The following CA10 variants were observed in gnomAD, a reference collection of about 807,000 sequenced individuals.
The protein encoded by CA10 is carbonic anhydrase 10 (inactive).
A neutral mutation model predicts 44.2 loss-of-function variants in CA10; 14 were observed. The observed-to-expected ratio is 0.32, with a 90% CI of 0.21 to 0.50. The LOEUF is 0.50. Among genes scored for constraint, CA10 ranks in the 20% least tolerant of loss-of-function variants. The pLI, the probability that CA10 is intolerant of heterozygous loss-of-function variation, is 0.99. For missense variants in CA10, 350 were observed against 409.7 expected (o/e 0.85, Z 1.26); for synonymous variants, 159 against 141.6 (o/e 1.12, Z -0.87).
At chr17:52,151,290 C>G (rs977339534) in intron 1 of CA10, among the ~76,000 whole-genome samples, 2 of 152,054 alleles carry the variant, frequency 1.3e-5, no homozygotes, top group Non-Finnish European at 1.5e-5. Context: ...ATCCACCATA[C>G]TTTGATATTT....
chr17:51,814,683 T>G (rs1907498542), intron 3 of CA10, among the ~76,000 whole-genome samples: 1 of 152,202 alleles, frequency 6.6e-6, no homozygotes, highest in Non-Finnish European at 1.5e-5. Flanking sequence ...AGCAATTTGA[T>G]CAAGGTCATG....
intron 2 of CA10, among the ~76,000 whole-genome samples, chr17:51,990,235 C>G (rs962938317): frequency 3.3e-5 from 5 of 152,088 alleles, no homozygotes; most frequent in Non-Finnish European, 4.4e-5. Context: ...CCTTCCAGGT[C>G]CAATTGCCCC....
At chr17:51,993,453 C>T (rs1985115707) in intron 2 of CA10, among the ~76,000 whole-genome samples, 1 of 152,054 alleles carries the variant, frequency 6.6e-6, no homozygotes, top group Non-Finnish European at 1.5e-5. Context: ...ACCAACTATC[C>T]TTCAGCTCTG....
At chr17:52,064,034 G>C (rs1213846746) in intron 2 of CA10, among the ~76,000 whole-genome samples, 1 of 152,190 alleles carries the variant, frequency 6.6e-6, no homozygotes, top group Non-Finnish European at 1.5e-5. Context: ...TACTGAATAG[G>C]CTTGACCTTT....
At chr17:51,820,210 C>G (rs143645085) in intron 3 of CA10, among the ~76,000 whole-genome samples, 480 of 136,296 alleles carry the variant, frequency 3.5e-3, no homozygotes, top group African/African-American at 0.011. Flanking sequence ...GGTAATACCC[C>G]CTTCAACTGT....
At chr17:51,762,457 G>A (rs1437733198) in intron 3 of CA10, 1 of 152,146 alleles carries the variant, frequency 6.6e-6, no homozygotes, top group Non-Finnish European at 1.5e-5. Flanking sequence ...CCTAGAATAG[G>A]GAATAAAATC....
intron 2 of CA10, among the ~76,000 whole-genome samples, chr17:52,025,088 T>C (rs1986258951): frequency 6.6e-6 from 1 of 151,864 alleles, no homozygotes. Context: ...CAACCCCTGG[T>C]CCATGGAAAA....
chr17:52,106,472 T>G (rs1390740873), intron 1 of CA10, among the ~76,000 whole-genome samples: 1 of 152,220 alleles, frequency 6.6e-6, no homozygotes, highest in Non-Finnish European at 1.5e-5. Flanking sequence ...TCTTTCACTC[T>G]GGAAGAGTAT....
intron 3 of CA10, among the ~76,000 whole-genome samples, chr17:51,854,191 A>G (rs9896969): frequency 0.77 from 117,420 of 152,048 alleles, 46,390 homozygotes; most frequent in African/African-American, 0.93. Flanking sequence ...TCCTCACGAG[A>G]TTACTCTGGC....
At chr17:51,922,737 A>G (rs1020761616) in intron 3 of CA10, among the ~76,000 whole-genome samples, 2 of 152,186 alleles carry the variant, frequency 1.3e-5, no homozygotes, top group Admixed American at 1.3e-4. Context: ...AAGCAATGAG[A>G]TCACATCAAT....
chr17:51,937,606 T>C (rs188462283), intron 2 of CA10, among the ~76,000 whole-genome samples: 9 of 152,264 alleles, frequency 5.9e-5, no homozygotes, highest in Non-Finnish European at 1.3e-4. Context: ...TAATCATTAA[T>C]TTGTGCATTC....
At chr17:52,151,185 A>G (rs568896807) in intron 1 of CA10, among the ~76,000 whole-genome samples, 1 of 152,250 alleles carries the variant, frequency 6.6e-6, no homozygotes, top group South Asian at 2.1e-4. Flanking sequence ...GTCTAATCTT[A>G]TTGTGGTTTA....
chr17:51,676,527 T>C (rs1397056500), intron 4 of CA10, among the ~76,000 whole-genome samples: 1 of 152,214 alleles, frequency 6.6e-6, no homozygotes, highest in Non-Finnish European at 1.5e-5. Context: ...GAATCTGTTT[T>C]TAAGAAGCCC....
intron 2 of CA10, among the ~76,000 whole-genome samples, chr17:52,025,656 T>C (rs1366466062): frequency 1.3e-5 from 2 of 151,390 alleles, no homozygotes; most frequent in Non-Finnish European, 3.0e-5. Context: ...AATGATAAAA[T>C]CAGGACACTG....
At chr17:51,913,289 G>A (rs1393278501) in intron 3 of CA10, among the ~76,000 whole-genome samples, 2 of 152,154 alleles carry the variant, frequency 1.3e-5, no homozygotes, top group African/African-American at 2.4e-5. Flanking sequence ...GCAGGGGGGA[G>A]GAAATGCACC....
At position 52,157,865 on chromosome 17, in the gene CA10, ACACACTCGCACACACTTCCGAGCGAGTG is replaced by A; in HGVS notation, c.-107_-80del. On this transcript the variant is annotated 5_prime_UTR_variant, in exon 1 of 9. Transcript: ENST00000451037. Reference sequence around the variant, plus strand: ...GGAGCCCGACACGGCACACACACATACACACTCGCACACACTTCCGAGCGAGTGCACACTCGCACTCCCACCCGACAGC... The same window carrying A: ...GGAGCCCGACACGGCACACACACATACACACTCGCACTCCCACCCGACAGC... The A allele has an allele frequency of 1.9e-6, 2 of 1,030,418 alleles. No individual in the cohort carries two copies. Among genetic ancestry groups the A allele is most frequent in the Admixed American group, 3.4e-5 (2 of 58,724 alleles). 63.8% of individuals were successfully genotyped at this position (1,030,418 alleles called of 1,614,324 possible). A position where few individuals can be genotyped will look rare whatever the true frequency, so the allele number is the denominator to read the frequency against.
At chr17:51,861,923 A>G (rs1979328542) in intron 3 of CA10, among the ~76,000 whole-genome samples, 1 of 152,216 alleles carries the variant, frequency 6.6e-6, no homozygotes, top group African/African-American at 2.4e-5. Flanking sequence ...AAAATGAACT[A>G]TAATGGATTC....
chr17:51,701,018 C>G (rs372906280), intron 4 of CA10, among the ~76,000 whole-genome samples: 1 of 152,100 alleles, frequency 6.6e-6, no homozygotes, highest in Non-Finnish European at 1.5e-5. Flanking sequence ...CAGCAAATCA[C>G]CATGGCACAC....
chr17:51,638,743 G>A (rs1192452106), intron 6 of CA10, among the ~76,000 whole-genome samples: 1 of 152,228 alleles, frequency 6.6e-6, no homozygotes, highest in African/African-American at 2.4e-5. Flanking sequence ...GAGAGAGGCT[G>A]TGAGTTCTGT....
Sources: allele counts gnomAD v4.1 joint callset (sites outside exome capture counted in the v4.1 genomes callset), GRCh38; gene constraint gnomAD v4.1.1; transcripts MANE v1.5; gene names NCBI Gene and HGNC (gene_info 2026-07-23, HGNC 2026-07-21).